SYN3: variants seen among roughly 807,000 people sequenced by gnomAD.
SYN3 encodes the protein synapsin III.
A neutral mutation model predicts 65.8 loss-of-function variants in SYN3; 35 were observed. The observed-to-expected ratio is 0.53, with a 90% CI of 0.41 to 0.70. The LOEUF is 0.70. Ranked by LOEUF, SYN3 falls within the 30% of genes least tolerant of loss-of-function variation. SYN3 has a pLI of 0.00. For missense variants in SYN3, 680 were observed against 749.0 expected (o/e 0.91, Z 1.08); for synonymous variants, 270 against 292.9 (o/e 0.92, Z 0.80).
At chr22:32,549,888 C>CAAA (rs10666789) in intron 7 of SYN3, among the ~76,000 whole-genome samples, 45,169 of 141,654 alleles carry the variant, frequency 0.32, 7,511 homozygotes, top group East Asian at 0.57. Context: ...GACTCTGTCT[C>CAAA]AAAAAAAAAA....
At chr22:33,044,127 A>G (rs1397212061) in intron 1 of SYN3, among the ~76,000 whole-genome samples, 1 of 152,132 alleles carries the variant, frequency 6.6e-6, no homozygotes, top group Non-Finnish European at 1.5e-5. Context: ...AGGCCACAGG[A>G]AGATGTGGCT....
intron 6 of SYN3, among the ~76,000 whole-genome samples, chr22:32,604,754 C>G (rs560628908): frequency 5.9e-5 from 9 of 152,192 alleles, no homozygotes; most frequent in African/African-American, 2.2e-4. Context: ...GCCTGTAATC[C>G]CAGCACTTTG....
intron 6 of SYN3, among the ~76,000 whole-genome samples, chr22:32,825,366 G>C (rs1482072324): frequency 1.3e-5 from 2 of 152,056 alleles, no homozygotes; most frequent in African/African-American, 4.8e-5. Flanking sequence ...ATGCTAAGAT[G>C]TGTGTATGTG....
chr22:32,986,932 T>A (rs2052545052), intron 2 of SYN3, among the ~76,000 whole-genome samples: 1 of 151,986 alleles, frequency 6.6e-6, no homozygotes, highest in Admixed American at 6.6e-5. Flanking sequence ...GGGTGGGAAA[T>A]CCCTAGTTGA....
chr22:32,921,407 C>T (rs1840199627), intron 4 of SYN3, among the ~76,000 whole-genome samples: 1 of 152,158 alleles, frequency 6.6e-6, no homozygotes, highest in Admixed American at 6.5e-5. Flanking sequence ...CATACTGTAC[C>T]CTGAATGAGC....
chr22:32,966,326 G>T (rs774849432), intron 3 of SYN3, among the ~76,000 whole-genome samples: 1 of 152,118 alleles, frequency 6.6e-6, no homozygotes, highest in Non-Finnish European at 1.5e-5. Context: ...GAGGAGAGAC[G>T]TGCATAAGCA....
At position 32,711,524 on chromosome 22, in the gene SYN3, G is replaced by T. The variant is rs562097965; in HGVS notation, c.712-114788C>A. Among the ~76,000 whole-genome samples the T allele has an allele frequency of 1.4e-3, 213 of 152,294 alleles. 1 individual carries two copies. Among genetic ancestry groups the T allele is most frequent in the Non-Finnish European group, 3.2e-4 (22 of 68,022 alleles). On this transcript the variant is annotated intron_variant, in intron 6 of 13. Coordinates refer to ENST00000358763, the MANE Select transcript of SYN3 (RefSeq NM_003490.4). ...AGAGAGAGGGGCAAGCAGAGTAATT[G>T]TGTTGTGTTTATGGAGAAGAAAGAT...
At chr22:32,531,747 C>T (rs1277812560) in intron 10 of SYN3, among the ~76,000 whole-genome samples, 3 of 151,652 alleles carry the variant, frequency 2.0e-5, no homozygotes, top group Non-Finnish European at 4.4e-5. Context: ...CTTCCCATCT[C>T]CCCTGACCCC....
chr22:32,728,771 G>A (rs946615187), intron 6 of SYN3, among the ~76,000 whole-genome samples: 3 of 152,166 alleles, frequency 2.0e-5, no homozygotes, highest in Non-Finnish European at 4.4e-5. Flanking sequence ...CCTCCAAATT[G>A]TCCCACTAAG....
At chr22:33,038,302 C>T (rs1194985679) in intron 1 of SYN3, among the ~76,000 whole-genome samples, 1 of 152,250 alleles carries the variant, frequency 6.6e-6, no homozygotes, top group Non-Finnish European at 1.5e-5. Context: ...TCCCTAGCTG[C>T]TGTCACTTGC....
At chr22:32,962,583 G>A (rs1196311526) in intron 3 of SYN3, among the ~76,000 whole-genome samples, 1 of 152,220 alleles carries the variant, frequency 6.6e-6, no homozygotes, top group African/African-American at 2.4e-5. Context: ...AGCTGTGGGA[G>A]TGAGGAGGAC....
chr22:32,740,539 A>G (rs970483195), intron 6 of SYN3, among the ~76,000 whole-genome samples: 2 of 152,246 alleles, frequency 1.3e-5, no homozygotes, highest in Admixed American at 6.5e-5. Flanking sequence ...AAAAGGATGC[A>G]CAACATTTAA....
At chr22:32,699,116 TCTCC>T (rs1172552020) in intron 6 of SYN3, among the ~76,000 whole-genome samples, 1 of 152,180 alleles carries the variant, frequency 6.6e-6, no homozygotes, top group Non-Finnish European at 1.5e-5. Flanking sequence ...TGGCCCAGGG[TCTCC>T]AGTGGCTCCA....
intron 6 of SYN3, among the ~76,000 whole-genome samples, chr22:32,758,138 T>A (rs2045349748): frequency 6.6e-6 from 1 of 152,240 alleles, no homozygotes; most frequent in Non-Finnish European, 1.5e-5. Flanking sequence ...ATTTAAATAT[T>A]GTTAACTTTA....
At chr22:32,630,699 A>G (rs1717316376) in intron 6 of SYN3, among the ~76,000 whole-genome samples, 1 of 152,242 alleles carries the variant, frequency 6.6e-6, no homozygotes, top group Admixed American at 6.5e-5. Flanking sequence ...TAATCAAGAC[A>G]TAGGCCATTT....
At chr22:32,787,341 C>G (rs1231580170) in intron 6 of SYN3, among the ~76,000 whole-genome samples, 1 of 152,198 alleles carries the variant, frequency 6.6e-6, no homozygotes. Flanking sequence ...AGCCACCGCA[C>G]CCAACCCTTT....
At chr22:32,797,104 C>G (rs921021105) in intron 6 of SYN3, among the ~76,000 whole-genome samples, 7 of 152,136 alleles carry the variant, frequency 4.6e-5, no homozygotes, top group African/African-American at 1.7e-4. Flanking sequence ...CTCCCGCCCT[C>G]GCAGTGAGAC....
chr22:32,679,694 A>G (rs1353729895), intron 6 of SYN3, among the ~76,000 whole-genome samples: 13 of 152,008 alleles, frequency 8.6e-5, no homozygotes, highest in African/African-American at 3.1e-4. Context: ...GTGATATCTC[A>G]GTGTGGTTTT....
chr22:32,995,085 C>T (rs1011072886), intron 2 of SYN3, among the ~76,000 whole-genome samples: 5 of 152,142 alleles, frequency 3.3e-5, no homozygotes, highest in Admixed American at 2.0e-4. Flanking sequence ...GGCCGTCTGG[C>T]TCTGGACTGT....
Sources: gnomAD v4.1 joint callset for allele counts (sites outside exome capture counted in the v4.1 genomes callset) on GRCh38, gnomAD v4.1.1 for gene constraint, MANE v1.5 for transcripts, NCBI Gene and HGNC (gene_info 2026-07-23, HGNC 2026-07-21) for gene names.